CA10: variants seen among roughly 807,000 people sequenced by gnomAD.
The protein encoded by CA10 is carbonic anhydrase 10 (inactive).
In CA10, 14 loss-of-function variants were observed where a neutral mutation model predicts 44.2. The ratio of observed to expected loss-of-function variants is 0.32; its 90% confidence interval spans 0.21 to 0.50. The LOEUF (loss-of-function observed/expected upper bound fraction) is 0.50, where lower values mean the gene tolerates loss of function less well. CA10 is among the 20% of genes least tolerant of loss of function. The probability of loss-of-function intolerance (pLI) is 0.99; values close to 1 mark genes in which losing one functional copy is unlikely to be tolerated. For synonymous variants in CA10, 159 were observed against 141.6 expected, an observed-to-expected ratio of 1.12 and a Z score of -0.87; for missense variants, 350 against 409.7, an observed-to-expected ratio of 0.85 and a Z score of 1.26.
chr17:51,920,303 G>T (rs1982176771), intron 3 of CA10, among the ~76,000 whole-genome samples: 1 of 152,062 alleles, frequency 6.6e-6, no homozygotes, highest in South Asian at 2.1e-4. Flanking sequence ...AGAACCAGGA[G>T]AAAAGAGGAA....
At chr17:51,954,856 C>T (rs180968206) in intron 2 of CA10, among the ~76,000 whole-genome samples, 38 of 152,272 alleles carry the variant, frequency 2.5e-4, no homozygotes, top group Non-Finnish European at 4.6e-4. Flanking sequence ...GGTTGCGTGT[C>T]GAGGGATGAG....
intron 4 of CA10, among the ~76,000 whole-genome samples, chr17:51,747,227 C>CA (rs1479522294): frequency 3.9e-5 from 6 of 152,172 alleles, no homozygotes; most frequent in Admixed American, 2.6e-4. Context: ...AAATATGACT[C>CA]ATTATATTCA....
chr17:51,739,495 G>A (rs1904372722), intron 4 of CA10, among the ~76,000 whole-genome samples: 1 of 152,120 alleles, frequency 6.6e-6, no homozygotes, highest in Non-Finnish European at 1.5e-5. Context: ...AAGTGGAGGA[G>A]GATGGTGGCT....
rs557114301 is a variant in CA10, at chr17:51,877,157, C to A, written c.279+53833G>T. Among the ~76,000 whole-genome samples the A allele has an allele frequency of 8.5e-5, 13 of 152,300 alleles. No individual in the cohort carries two copies. In the South Asian group the frequency reaches 2.1e-3, roughly 24 times the overall value. On this transcript the variant is annotated intron_variant, in intron 3 of 8. Coordinates refer to ENST00000451037, the MANE Select transcript of CA10 (RefSeq NM_020178.5). The stretch of plus-strand genomic sequence containing the variant: ...GCACACTGCTCCATCTTCCCTCCCC[C>A]AAGCTTTAGCAACCACCTACAGTCC...
rs530635621 is a variant in CA10, at chr17:52,054,794, G to C, written c.136+17525C>G. Among the ~76,000 whole-genome samples, 3 of 151,846 alleles carry C rather than the reference G, an allele frequency of 2.0e-5. No homozygotes were observed. The East Asian group carries it at 5.8e-4, about 29-fold the overall frequency. On this transcript the variant is annotated intron_variant, in intron 2 of 8. Transcript: ENST00000451037. Reference sequence around the variant, plus strand: ...CCGATAGATATGGAAATTATAAATGGAAAGAAAAAAAGGCATTAAAGACCC... The same window carrying C: ...CCGATAGATATGGAAATTATAAATGCAAAGAAAAAAAGGCATTAAAGACCC...
chr17:51,876,891 G>C (rs928600530), intron 3 of CA10, among the ~76,000 whole-genome samples: 1 of 152,146 alleles, frequency 6.6e-6, no homozygotes, highest in African/African-American at 2.4e-5. Context: ...CTTGATATTA[G>C]CAGGTTTCTT....
intron 1 of CA10, among the ~76,000 whole-genome samples, chr17:52,086,992 C>T (rs542060507): frequency 1.3e-5 from 2 of 152,168 alleles, no homozygotes; most frequent in Non-Finnish European, 2.9e-5. Context: ...AGAATGTGCA[C>T]CTTCTCTCAA....
chr17:51,690,569 A>G lies in CA10; in HGVS notation c.466-36833T>C, dbSNP rs548658590. Among the ~76,000 whole-genome samples, 7 of 152,248 alleles carry G rather than the reference A, an allele frequency of 4.6e-5. No homozygotes were observed. In the South Asian group the frequency reaches 1.0e-3, roughly 23 times the overall value. ...TCGAATCATGGGGATGGGTATTCCC[A>G]TGCTGTTCTTGTGATAGTGAATAAG... On this transcript the variant is annotated intron_variant, in intron 4 of 8. Transcript: ENST00000451037.
At chr17:52,146,671 A>AAAATAAAT (rs138199238) in intron 1 of CA10, among the ~76,000 whole-genome samples, 83 of 149,542 alleles carry the variant, frequency 5.6e-4, no homozygotes, top group Non-Finnish European at 7.4e-4. Context: ...ACTCCGTCTC[A>AAAATAAAT]AAATAAATAA....
chr17:51,692,366 CCTATCTATCTATCTATCTATCTATCTAT>C (rs71728413), intron 4 of CA10, among the ~76,000 whole-genome samples: 15 of 141,174 alleles, frequency 1.1e-4, no homozygotes, highest in African/African-American at 2.8e-4. Context: ...ACCTATCCAT[CCTATCTATCTATCTATCTATCTATCTAT>C]CTATCTATCT....
chr17:52,115,002 C>A (rs957086386), intron 1 of CA10, among the ~76,000 whole-genome samples: 6 of 152,196 alleles, frequency 3.9e-5, no homozygotes, highest in African/African-American at 1.2e-4. Flanking sequence ...TTCTGACCTG[C>A]CCCACAAGTG....
chr17:52,111,591 G>A (rs1988790330), intron 1 of CA10, among the ~76,000 whole-genome samples: 1 of 152,122 alleles, frequency 6.6e-6, no homozygotes, highest in African/African-American at 2.4e-5. Context: ...AGATTAGATT[G>A]TATCAGCAGC....
intron 3 of CA10, among the ~76,000 whole-genome samples, chr17:51,861,125 G>A (rs1979285106): frequency 1.3e-5 from 2 of 152,168 alleles, no homozygotes; most frequent in South Asian, 4.1e-4. Context: ...GCTGATCCTT[G>A]TTAGGTTCTG....
At chr17:51,687,603 T>G (rs28655804) in intron 4 of CA10, among the ~76,000 whole-genome samples, 11,721 of 152,246 alleles carry the variant, frequency 0.077, 1,542 homozygotes, top group African/African-American at 0.27. Context: ...TACCAGTGGT[T>G]TCCGGGTCAA....
chr17:51,891,942 GC>G (rs1226574647), intron 3 of CA10, among the ~76,000 whole-genome samples: 2 of 152,220 alleles, frequency 1.3e-5, no homozygotes, highest in Non-Finnish European at 2.9e-5. Context: ...TACATGGGGG[GC>G]TGAGAAATTG....
At chr17:51,849,187 A>ATATATATATACATATATG (rs1978649392) in intron 3 of CA10, among the ~76,000 whole-genome samples, 3 of 64,574 alleles carry the variant, frequency 4.6e-5, no homozygotes, top group African/African-American at 3.3e-4. Flanking sequence ...ATATATGTAT[A>ATATATATATACATATATG]TATATATATA....
intron 4 of CA10, among the ~76,000 whole-genome samples, chr17:51,727,109 T>C (rs1362398919): frequency 6.6e-6 from 1 of 152,188 alleles, no homozygotes; most frequent in East Asian, 1.9e-4. Context: ...CTCCACACCA[T>C]CTTGGGGGAG....
At chr17:51,987,721 T>C (rs149791965) in intron 2 of CA10, among the ~76,000 whole-genome samples, 3,562 of 151,924 alleles carry the variant, frequency 0.023, 64 homozygotes, top group South Asian at 0.064. Context: ...GTAACAGCAA[T>C]AAATAACAAC....
chr17:52,083,489 T>C (rs1988037045), intron 1 of CA10, among the ~76,000 whole-genome samples: 1 of 152,212 alleles, frequency 6.6e-6, no homozygotes, highest in South Asian at 2.1e-4. Context: ...AGTGGTGAAG[T>C]CTAGGCTTTT....
Sources: gnomAD v4.1 joint callset for allele counts (sites outside exome capture counted in the v4.1 genomes callset) on GRCh38, gnomAD v4.1.1 for gene constraint, MANE v1.5 for transcripts, NCBI Gene and HGNC (gene_info 2026-07-23, HGNC 2026-07-21) for gene names.